Variants in VPS8 observed in about 807,000 individuals in gnomAD.
The protein encoded by VPS8 is vacuolar protein sorting-associated protein 8 homolog.
Under a neutral mutation model 216.4 loss-of-function variants are expected in VPS8, and 129 were observed. That is an observed-to-expected ratio of 0.60 (90% CI 0.52 to 0.69). The LOEUF is 0.69. Among genes scored for constraint, VPS8 ranks in the 30% least tolerant of loss-of-function variants. The pLI, the probability that VPS8 is intolerant of heterozygous loss-of-function variation, is 0.00. For missense variants in VPS8, 1,531 were observed against 1,683.5 expected, an observed-to-expected ratio of 0.91 and a Z score of 1.59; for synonymous variants, 571 against 565.4, an observed-to-expected ratio of 1.01 and a Z score of -0.14.
At chr3:184,883,945 T>C (rs559085307) in intron 21 of VPS8, among the ~76,000 whole-genome samples, 4 of 152,222 alleles carry the variant, frequency 2.6e-5, no homozygotes, top group Non-Finnish European at 5.9e-5. Flanking sequence ...ATGAAGTGTT[T>C]TCAAATTTTT....
intron 32 of VPS8, among the ~76,000 whole-genome samples, chr3:184,928,781 TATG>T (rs1740150286): frequency 6.6e-6 from 1 of 152,196 alleles, no homozygotes; most frequent in Admixed American, 6.5e-5. Flanking sequence ...GAAATAGTCT[TATG>T]ATGTTTTATT....
intron 13 of VPS8, 34 bp from the exon 14 acceptor site, chr3:184,855,677 T>G: frequency 6.6e-7 from 1 of 1,507,394 alleles, no homozygotes; most frequent in Non-Finnish European, 9.2e-7. Context: ...GTTTATTAAC[T>G]GTGATGATTT....
intron 45 of VPS8, among the ~76,000 whole-genome samples, chr3:185,002,615 C>T (rs377061072): frequency 2.0e-5 from 3 of 152,124 alleles, no homozygotes; most frequent in Non-Finnish European, 4.4e-5. Context: ...TCCTTCCCCC[C>T]TCCCTGAGTC....
In VPS8 at chr3:184,837,490, T is replaced by TAACA. The variant is rs1399690394; in HGVS notation, c.448-1223_448-1222insACAA. Among the ~76,000 whole-genome samples the TAACA allele has an allele frequency of 6.6e-5, 10 of 151,650 alleles. No individual in the cohort carries two copies. The East Asian group carries it at 1.9e-3, about 29-fold the overall frequency. On this transcript the variant is annotated intron_variant, in intron 5 of 47. Coordinates refer to ENST00000625842, the MANE Select transcript of VPS8 (RefSeq NM_001009921.3). The stretch of plus-strand genomic sequence containing the variant: ...GCAAATCAGTCATTTATTAACTATG[T>TAACA]ATTACATGCTTCTTAATTGTCGAGC...
Position 184,863,081 on chromosome 3 carries a change from CT to C in VPS8, c.1395+16del. On this transcript the variant is annotated intron_variant, in intron 16 of 47. Coordinates refer to ENST00000625842, the MANE Select transcript of VPS8 (RefSeq NM_001009921.3). ...AGCCAGGCACTGGTAAGGATAATCA[CT>C]TATCTTGCTATCCTAGAAAATACTT... 6.2e-7 allele frequency: 1 copy of C among 1,610,058 alleles called. No individual in the cohort carries two copies. The highest frequency in any genetic ancestry group is 1.1e-5 in the South Asian group (1 of 90,462).
At chr3:184,828,060 C>T (rs1408597297) in intron 3 of VPS8, among the ~76,000 whole-genome samples, 1 of 152,148 alleles carries the variant, frequency 6.6e-6, no homozygotes, top group African/African-American at 2.4e-5. Context: ...TATGTGGATG[C>T]ATATATTCTA....
At chr3:184,972,410 C>T (rs1299331726) in intron 40 of VPS8, among the ~76,000 whole-genome samples, 1 of 152,136 alleles carries the variant, frequency 6.6e-6, no homozygotes, top group Non-Finnish European at 1.5e-5. Context: ...TGAAAGTAGG[C>T]ATGAAGAACT....
rs767378371 is a variant in VPS8 at position 184,869,526 on chromosome 3, C to T, written c.1642C>T (p.Arg548Trp). 9.3e-6 allele frequency: 15 copies of T among 1,613,064 alleles called. No homozygotes were observed. Among genetic ancestry groups the T allele is most frequent in the South Asian group, 4.4e-5 (4 of 91,048 alleles). Residue 548 changes from arginine to tryptophan, a missense_variant and splice_region_variant, in exon 20 of 48, where the codon CGG becomes TGG. This residue lies in a region of VPS8 where 1,318 missense variants were observed against 1,468.4 expected (regional missense o/e 0.90). Coordinates refer to ENST00000625842, the MANE Select transcript of VPS8 (RefSeq NM_001009921.3). Reference sequence around the variant, plus strand: ...TAAGCGAAAGGCTATTGTTGCAGACCGGGTGAGTATTTTAAGAGGGTCTTT... The same window carrying T: ...TAAGCGAAAGGCTATTGTTGCAGACTGGGTGAGTATTTTAAGAGGGTCTTT... The part of the protein sequence containing the change: ...ASKRKAIVAD[R>W]MVEILFHYAD...
At chr3:184,925,268 A>T (rs893131741) in intron 30 of VPS8, among the ~76,000 whole-genome samples, 2 of 152,172 alleles carry the variant, frequency 1.3e-5, no homozygotes, top group African/African-American at 2.4e-5. Context: ...CCCCCATCTC[A>T]CTGGTAGTAA....
At chr3:185,045,493 G>A (rs904250832) in intron 46 of VPS8, among the ~76,000 whole-genome samples, 1 of 151,996 alleles carries the variant, frequency 6.6e-6, no homozygotes, top group Non-Finnish European at 1.5e-5. Flanking sequence ...GTCTGTGACC[G>A]GGCACGGTGA....
In VPS8 at chr3:184,886,154, A is replaced by C. The variant is rs760748229; in HGVS notation, c.1779A>C (p.Arg593=). The C allele has an allele frequency of 6.2e-7, 1 of 1,607,886 alleles. No homozygotes were observed. Among genetic ancestry groups the C allele is most frequent in the Non-Finnish European group, 8.5e-7 (1 of 1,176,924 alleles). ...TTGATTACTGCCTTCTGCTGCAGCG[A>C]AAGTGAGTATGCGTTGCCTGTCACA... is the stretch of plus-strand genomic sequence containing the variant. The part of the protein sequence containing the change: ...VIVDYCLLLQ[R]KDLLFSQMYD... Residue 593 remains arginine (R), a splice_region_variant and synonymous_variant, in exon 22 of 48, where the codon CGA becomes CGC. Coordinates refer to ENST00000625842, the MANE Select transcript of VPS8 (RefSeq NM_001009921.3).
chr3:184,958,421 C>T (rs1167710335), intron 37 of VPS8, among the ~76,000 whole-genome samples: 1 of 152,172 alleles, frequency 6.6e-6, no homozygotes, highest in Admixed American at 6.5e-5. Context: ...GGAGCAGTCT[C>T]TAAGCTTGTC....
At chr3:184,986,395 A>G (rs1322762538) in intron 42 of VPS8, among the ~76,000 whole-genome samples, 1 of 152,148 alleles carries the variant, frequency 6.6e-6, no homozygotes, top group African/African-American at 2.4e-5. Context: ...CATGATAAGG[A>G]GTTTGGATTT....
At chr3:184,890,155 C>G (rs577184411) in intron 22 of VPS8, among the ~76,000 whole-genome samples, 210 of 152,308 alleles carry the variant, frequency 1.4e-3, no homozygotes, top group Middle Eastern at 3.4e-3. Context: ...ACTGGATCCT[C>G]TCTTTATACT....
At chr3:184,841,318 A>C (rs913012502) in intron 7 of VPS8, among the ~76,000 whole-genome samples, 1 of 152,132 alleles carries the variant, frequency 6.6e-6, no homozygotes, top group Non-Finnish European at 1.5e-5. Flanking sequence ...GTATCTATAC[A>C]CCCTCAAATG....
intron 35 of VPS8, among the ~76,000 whole-genome samples, chr3:184,938,807 C>T (rs1017947480): frequency 1.3e-5 from 2 of 151,712 alleles, no homozygotes; most frequent in East Asian, 1.9e-4. Flanking sequence ...GCGGGCAGAT[C>T]GCTTGAGCTC....
At chr3:185,028,801 G>A (rs928952470) in intron 46 of VPS8, among the ~76,000 whole-genome samples, 6 of 152,164 alleles carry the variant, frequency 3.9e-5, no homozygotes, top group Non-Finnish European at 7.3e-5. Flanking sequence ...CCCATTAGAC[G>A]ATATGCCTCA....
intron 44 of VPS8, 50 bp downstream of exon 44, chr3:184,996,551 C>T: frequency 1.3e-6 from 2 of 1,521,700 alleles, no homozygotes; most frequent in African/African-American, 1.4e-5. Flanking sequence ...ACATCTGTGG[C>T]ATTACCAGGC....
intron 13 of VPS8, 77 bp downstream of exon 13, chr3:184,854,250 G>A (rs1724833149): frequency 2.7e-6 from 4 of 1,480,056 alleles, no homozygotes; most frequent in Non-Finnish European, 9.4e-7. Context: ...TGCAAGGGGT[G>A]AATTCTATGA....
Sources: gnomAD v4.1 joint callset for allele counts (sites outside exome capture counted in the v4.1 genomes callset) on GRCh38, gnomAD v4.1.1 for gene constraint, gnomAD v4.1.1 regional missense constraint, MANE v1.5 for transcripts, NCBI Gene and HGNC (gene_info 2026-07-23, HGNC 2026-07-21) for gene names.